The following PDIA3 variants were observed in gnomAD, a reference collection of about 807,000 sequenced individuals.
PDIA3 encodes the protein protein disulfide isomerase family A member 3.
PDIA3 carries 16 observed loss-of-function variants against 56.9 expected under a neutral mutation model. The ratio of observed to expected loss-of-function variants is 0.28; its 90% confidence interval spans 0.19 to 0.43. PDIA3 has a LOEUF of 0.43. Ranked by LOEUF, PDIA3 falls within the 20% of genes least tolerant of loss-of-function variation. The pLI, the probability that PDIA3 is intolerant of heterozygous loss-of-function variation, is 1.00. For missense variants in PDIA3, 485 were observed against 621.3 expected, an observed-to-expected ratio of 0.78 and a Z score of 2.33; for synonymous variants, 192 against 216.5, an observed-to-expected ratio of 0.89 and a Z score of 0.99.
chr15:43,769,285 C>T (rs2086867294), intron 9 of PDIA3, among the ~76,000 whole-genome samples: 1 of 152,192 alleles, frequency 6.6e-6, no homozygotes, highest in Non-Finnish European at 1.5e-5. Context: ...TTGGGTAGCA[C>T]TTCTATGTCC....
intron 3 of PDIA3, among the ~76,000 whole-genome samples, chr15:43,760,945 C>G (rs939738568): frequency 3.3e-5 from 5 of 151,554 alleles, no homozygotes; most frequent in African/African-American, 1.2e-4. Context: ...GATATACAAG[C>G]AACTGAAATC....
chr15:43,760,425 A>G (rs938630191), intron 3 of PDIA3, among the ~76,000 whole-genome samples: 1 of 152,068 alleles, frequency 6.6e-6, no homozygotes, highest in African/African-American at 2.4e-5. Context: ...AAAAGATTGG[A>G]AACAAATGTC....
rs79015931 is a variant in PDIA3 at position 43,757,950 on chromosome 15, A to C, written c.364+1184A>C. ...GGATGGCTACTATTTAAAAAAAAAA[A>C]AACAACGAAATAGGCCGGGCGCGGT... is the stretch of plus-strand genomic sequence containing the variant. On this transcript the variant is annotated intron_variant, in intron 3 of 12. Transcript: ENST00000300289. Among the ~76,000 whole-genome samples, 114 of 150,948 alleles carry C rather than the reference A, an allele frequency of 7.6e-4. 2 individuals are homozygous for C. The East Asian group carries it at 0.012, about 16-fold the overall frequency.
Position 43,769,573 on chromosome 15 carries a change from T to G in PDIA3, c.1193T>G (p.Leu398Arg), listed in dbSNP as rs1596025842. 1 of 1,613,080 alleles carries G rather than the reference T, an allele frequency of 6.2e-7. No individual in the cohort carries two copies. The highest frequency in any genetic ancestry group is 8.5e-7 in the Non-Finnish European group (1 of 1,178,990). ...GTGAATAATGAAAATAAAGATGTGC[T>G]GATTGAATTTTATGCCCCTTGGTGT... ...EIVNNENKDVLIEFYAPWCGH... is the reference protein window; with the variant it reads ...EIVNNENKDVRIEFYAPWCGH... Residue 398 changes from leucine (L) to arginine (R), a missense_variant, in exon 10 of 13, where the codon CTG (leucine) becomes CGG (arginine). Coordinates refer to ENST00000300289, the MANE Select transcript of PDIA3 (RefSeq NM_005313.5).
At chr15:43,746,878 G>A (rs1356304629) in intron 1 of PDIA3, 172 bp downstream of exon 1, 4 of 722,560 alleles carry the variant, frequency 5.5e-6, no homozygotes, top group Admixed American at 2.6e-5. Context: ...GAGAGCGGGG[G>A]AGTCGGTGCT....
chr15:43,761,421 A>G lies in PDIA3; in HGVS notation c.365-3A>G. 1.3e-6 allele frequency: 2 copies of G among 1,519,894 alleles called. No individual in the cohort carries two copies. The highest frequency in any genetic ancestry group is 2.3e-5 in the South Asian group (2 of 86,166). The allele number at this position is 1,519,894 out of a possible 1,614,324, so 94.2% of individuals were successfully genotyped here. A position where few individuals can be genotyped will look rare whatever the true frequency, so the allele number is the denominator to read the frequency against. On this transcript the variant is annotated splice_region_variant and splice_polypyrimidine_tract_variant and intron_variant, in intron 3 of 12. Transcript: ENST00000300289. ...TGTCATAACTTTTATTTTGACTTCT[A>G]AGATGGAATTGTCAGCCACTTGAAG...
chr15:43,746,478 C>A lies in PDIA3; in HGVS notation c.-62C>A, dbSNP rs1029195359. The A allele has an allele frequency of 2.9e-6, 4 of 1,399,292 alleles. No homozygotes were observed. Among genetic ancestry groups the A allele is most frequent in the East Asian group, 2.7e-5 (1 of 36,526 alleles). The allele number at this position is 1,399,292 out of a possible 1,614,324, so 86.7% of individuals were successfully genotyped here. On this transcript the variant is annotated 5_prime_UTR_variant, in exon 1 of 13. Transcript: ENST00000300289. ...AGCAGCGGGTTAGTGGTCGCGCGCC[C>A]GACCTCCGCAGTCCCAGCCGAGCCG... is the stretch of plus-strand genomic sequence containing the variant.
At chr15:43,746,962 TC>T (rs1419236981) in intron 1 of PDIA3, 2 of 552,764 alleles carry the variant, frequency 3.6e-6, no homozygotes, top group Non-Finnish European at 6.5e-6. Flanking sequence ...TTGTGGCACT[TC>T]CTATTTGCAG....
chr15:43,748,199 T>C (rs980802124), intron 1 of PDIA3, among the ~76,000 whole-genome samples: 2 of 152,202 alleles, frequency 1.3e-5, no homozygotes, highest in African/African-American at 2.4e-5. Flanking sequence ...ATTTTGGGGC[T>C]GGGCATGGTG....
chr15:43,766,072 T>C (rs1449948157), intron 7 of PDIA3, 60 bp downstream of exon 7: 19 of 1,455,138 alleles, frequency 1.3e-5, no homozygotes, highest in Non-Finnish European at 1.8e-5. Flanking sequence ...GACAGTCCCT[T>C]CTAACTATCT....
chr15:43,768,526 T>C lies in PDIA3; in HGVS notation c.1066T>C (p.Tyr356His), dbSNP rs781092125. 3.7e-6 allele frequency: 6 copies of C among 1,613,840 alleles called. No individual in the cohort carries two copies. The East Asian group carries it at 1.3e-4, about 36-fold the overall frequency. The change falls in exon 9 of 13, where the codon TAC (tyrosine) becomes CAC (histidine). Residue 356 changes from tyrosine to histidine, a missense_variant. By Grantham distance (83) the Tyr-to-His change is moderately conservative. Transcript: ENST00000300289. Reference sequence around the variant, plus strand: ...GGCTCTGGAGAGGTTCCTGCAGGATTACTTTGATGGCAATCTGAAGAGATA... The same window carrying C: ...GGCTCTGGAGAGGTTCCTGCAGGATCACTTTGATGGCAATCTGAAGAGATA... ...GKALERFLQD[Y>H]FDGNLKRYLK...
chr15:43,763,251 A>G, intron 5 of PDIA3, 45 bp downstream of exon 5: 1 of 1,585,266 alleles, frequency 6.3e-7, no homozygotes, highest in Middle Eastern at 1.7e-4. Flanking sequence ...TATTGTGTGA[A>G]CTGGTGATAC....
chr15:43,769,640 C>T lies in PDIA3; in HGVS notation c.1260C>T (p.Gly420=), dbSNP rs147712601. The T allele has an allele frequency of 1.4e-3, 2,256 of 1,613,728 alleles. 2 individuals carry two copies. The highest frequency in any genetic ancestry group is 1.8e-3 in the Admixed American group (108 of 59,980). Residue 420 remains glycine (G), a synonymous_variant, in exon 10 of 13, where the codon GGC becomes GGT. Coordinates refer to ENST00000300289, the MANE Select transcript of PDIA3 (RefSeq NM_005313.5). ...KNLEPKYKEL[G]EKLSKDPNIV... is the part of the protein sequence containing the mutation. ...TGGAGCCCAAGTATAAAGAACTTGGCGAGAAGGTAAGTGTGAACCCTATTC... is the reference window on the plus strand; with the variant it reads ...TGGAGCCCAAGTATAAAGAACTTGGTGAGAAGGTAAGTGTGAACCCTATTC...
intron 3 of PDIA3, among the ~76,000 whole-genome samples, chr15:43,757,281 G>A (rs540679769): frequency 6.6e-6 from 1 of 152,136 alleles, no homozygotes; most frequent in Non-Finnish European, 1.5e-5. Flanking sequence ...GGCCGGGGCC[G>A]GGTGCGGTGG....
rs1039875512 is a variant in PDIA3 at position 43,771,487 on chromosome 15, T to A, written c.*269T>A. 1.3e-4 allele frequency: 59 copies of A among 468,054 alleles called. No homozygotes were observed. Among genetic ancestry groups the A allele is most frequent in the Non-Finnish European group, 2.6e-5 (7 of 267,284 alleles). 29.0% of individuals were successfully genotyped at this position (468,054 alleles called of 1,614,324 possible). On this transcript the variant is annotated 3_prime_UTR_variant, in exon 13 of 13. Coordinates refer to ENST00000300289, the MANE Select transcript of PDIA3 (RefSeq NM_005313.5). ...GGGGTGGGGTTGAGTTGGGGGTATT[T>A]TCTAATTTTTTTTGTACATTTGGAA...
rs1384655991 is a variant in PDIA3, at chr15:43,765,429, CT to C, written c.603-17del. On this transcript the variant is annotated intron_variant, in intron 5 of 12. Transcript: ENST00000300289. ...TTCTTCTGCTATCTGCCTACTGAGACTTTTCTTTTTTTTTTTTAAGGGGTAT... is the reference window on the plus strand; with the variant it reads ...TTCTTCTGCTATCTGCCTACTGAGACTTTCTTTTTTTTTTTTAAGGGGTAT... The C allele has an allele frequency of 2.2e-6, 3 of 1,347,356 alleles. No homozygotes were observed. The highest frequency in any genetic ancestry group is 1.2e-5 in the South Asian group (1 of 81,624). 83.5% of individuals were successfully genotyped at this position (1,347,356 alleles called of 1,614,324 possible). A position where few individuals can be genotyped will look rare whatever the true frequency, so the allele number is the denominator to read the frequency against.
intron 1 of PDIA3, among the ~76,000 whole-genome samples, chr15:43,748,214 C>T (rs573680258): frequency 1.3e-5 from 2 of 152,150 alleles, no homozygotes; most frequent in South Asian, 2.1e-4. Context: ...ATGGTGGCTC[C>T]CGCCTGTAAT....
At chr15:43,769,475 A>AT in intron 9 of PDIA3, 43 bp from the exon 10 acceptor site, 3 of 1,596,122 alleles carry the variant, frequency 1.9e-6, no homozygotes, top group Non-Finnish European at 2.6e-6. Context: ...TTGTGAATTT[A>AT]TTTTTTTATG....
At chr15:43,761,148 A>G (rs1054671244) in intron 3 of PDIA3, among the ~76,000 whole-genome samples, 1 of 150,630 alleles carries the variant, frequency 6.6e-6, no homozygotes, top group African/African-American at 2.4e-5. Flanking sequence ...AGGCTGAGGT[A>G]GGAGAATGGC....
Sources: allele counts gnomAD v4.1 joint callset (sites outside exome capture counted in the v4.1 genomes callset), GRCh38; gene constraint gnomAD v4.1.1; transcripts MANE v1.5; gene names NCBI Gene and HGNC (gene_info 2026-07-23, HGNC 2026-07-21).